The following CRAMP1 variants were observed in gnomAD, a reference collection of about 807,000 sequenced individuals.
The protein encoded by CRAMP1 is cramped chromatin regulator 1, also known as protein cramped-like.
Under a neutral mutation model 115.4 loss-of-function variants are expected in CRAMP1, and 50 were observed. The observed-to-expected ratio is 0.43, with a 90% confidence interval of 0.35 to 0.55. The LOEUF is 0.55. Among genes scored for constraint, CRAMP1 ranks in the 20% least tolerant of loss-of-function variants. The pLI is 0.01. For synonymous variants in CRAMP1, 866 were observed against 745.4 expected, an observed-to-expected ratio of 1.16 and a Z score of -2.64; for missense variants, 1,679 against 1,721.7, an observed-to-expected ratio of 0.98 and a Z score of 0.44.
intron 5 of CRAMP1, among the ~76,000 whole-genome samples, chr16:1,639,035 CCT>C (rs1486577357): frequency 6.6e-6 from 1 of 151,948 alleles, no homozygotes; most frequent in African/African-American, 2.4e-5. Context: ...TCTCATCTGC[CCT>C]CTCTCAGCCT....
At chr16:1,649,808 T>G (rs2142193180) in intron 6 of CRAMP1, among the ~76,000 whole-genome samples, 1 of 148,434 alleles carries the variant, frequency 6.7e-6, no homozygotes, top group East Asian at 2.0e-4. Context: ...TTTTTTTTTT[T>G]TTGAGATGGA....
In CRAMP1 at chr16:1,669,833, G is replaced by A. The variant is rs2036907597; in HGVS notation, c.3499+668G>A. ...TGTGGCTGGGCACATCAGGCATGGCGGGTACCATGCCTGACAGCTCTGAAC... is the reference window on the plus strand; with the variant it reads ...TGTGGCTGGGCACATCAGGCATGGCAGGTACCATGCCTGACAGCTCTGAAC... On this transcript the variant is annotated intron_variant, in intron 19 of 20. Transcript: ENST00000397412. The surrounding 1 kb of genome is among the most constrained non-coding windows in gnomAD (Gnocchi z 4.6). Among the ~76,000 whole-genome samples, 1 of 152,200 alleles carries A rather than the reference G, an allele frequency of 6.6e-6. No homozygotes were observed. The highest frequency in any genetic ancestry group is 1.5e-5 in the Non-Finnish European group (1 of 68,030).
chr16:1,660,258 C>T (rs550347403), intron 11 of CRAMP1, among the ~76,000 whole-genome samples, 195 bp downstream of exon 11: 96 of 152,180 alleles, frequency 6.3e-4, no homozygotes, highest in African/African-American at 2.1e-3. Context: ...CAGGGCTTGT[C>T]GTGAAGGACT....
At chr16:1,634,689 T>C (rs1162295717) in intron 4 of CRAMP1, among the ~76,000 whole-genome samples, 1 of 152,208 alleles carries the variant, frequency 6.6e-6, no homozygotes, top group African/African-American at 2.4e-5. Context: ...GGTTCTCTGA[T>C]GGCCCTGACT....
At chr16:1,667,281 A>C in intron 16 of CRAMP1, 54 bp from the exon 17 acceptor site, 1 of 1,430,480 alleles carries the variant, frequency 7.0e-7, no homozygotes, top group Non-Finnish European at 9.9e-7. Context: ...GGGTGAGGGT[A>C]TGGGTGGCAT....
At chr16:1,623,838 G>T (rs900878339) in intron 2 of CRAMP1, among the ~76,000 whole-genome samples, 1 of 152,238 alleles carries the variant, frequency 6.6e-6, no homozygotes, top group African/African-American at 2.4e-5. Flanking sequence ...TCCAGGTTTG[G>T]TGAGGAATGG....
At position 1,674,622 on chromosome 16, in the gene CRAMP1, AGTCGTGGG is replaced by A; in HGVS notation, c.*579_*586del. ...GATACCGATCACAGGGCTGCTGCGG[AGTCGTGGG>A]GCCCTGGGCTGGTGCCTCCCCTCCC... On this transcript the variant is annotated 3_prime_UTR_variant, in exon 21 of 21. Transcript: ENST00000397412. The A allele has an allele frequency of 6.5e-6, 1 of 154,398 alleles. No homozygotes were observed. The highest frequency in any genetic ancestry group is 1.4e-5 in the Non-Finnish European group (1 of 69,478). The allele number at this position is 154,398 out of a possible 1,614,324, so 9.6% of individuals were successfully genotyped here.
intron 8 of CRAMP1, among the ~76,000 whole-genome samples, chr16:1,653,644 G>A (rs1411780822): frequency 1.4e-5 from 2 of 147,528 alleles, no homozygotes; most frequent in Non-Finnish European, 3.0e-5. Context: ...TCTGGCTAAC[G>A]CCGTGAAACC....
chr16:1,664,553 T>G (rs1596497510), intron 13 of CRAMP1, among the ~76,000 whole-genome samples: 1 of 152,054 alleles, frequency 6.6e-6, no homozygotes, highest in African/African-American at 2.4e-5. Context: ...CCGAGGCAGG[T>G]GGATCACCTG....
intron 4 of CRAMP1, among the ~76,000 whole-genome samples, chr16:1,635,958 T>C (rs937004727): frequency 1.3e-5 from 2 of 152,228 alleles, no homozygotes; most frequent in African/African-American, 4.8e-5. Flanking sequence ...TTTGTCTGTG[T>C]TGTAGCGTGT....
chr16:1,655,082 A>AC (rs1275106659), intron 8 of CRAMP1, 137 bp from the exon 9 acceptor site: 1 of 691,436 alleles, frequency 1.4e-6, no homozygotes, highest in Non-Finnish European at 2.6e-6. Flanking sequence ...GGCCCTGCAG[A>AC]CGCCCGCTCC....
rs1378683522 is a variant in CRAMP1 at position 1,674,759 on chromosome 16, A to G, written c.*714A>G. The G allele has an allele frequency of 6.6e-6, 1 of 152,226 alleles. No individual in the cohort carries two copies. Among genetic ancestry groups the G allele is most frequent in the Non-Finnish European group, 1.5e-5 (1 of 68,084 alleles). The allele number at this position is 152,226 out of a possible 1,614,324, so 9.4% of individuals were successfully genotyped here. A position where few individuals can be genotyped will look rare whatever the true frequency, so the allele number is the denominator to read the frequency against. On this transcript the variant is annotated 3_prime_UTR_variant, in exon 21 of 21. Coordinates refer to ENST00000397412, the MANE Select transcript of CRAMP1 (RefSeq NM_020825.4). ...TGGGACCCTGCTAAGCTGGTTGAAA[A>G]TGTTTTTCTTGTGTTTTAAGAATTA...
intron 4 of CRAMP1, 25 bp downstream of exon 4, chr16:1,632,390 G>T: frequency 1.9e-6 from 3 of 1,565,426 alleles, no homozygotes; most frequent in East Asian, 2.4e-5. Context: ...GGCCAGGCTC[G>T]GGGGTGCCCA....
Position 1,669,976 on chromosome 16 carries a change from G to A in CRAMP1, c.3500-688G>A, listed in dbSNP as rs745374535. Reference sequence around the variant, plus strand: ...AGTCACACGTAAATCTTGAAAAACTGGAAACAGGCCAGGCGTGGTGGCTCA... The same window carrying A: ...AGTCACACGTAAATCTTGAAAAACTAGAAACAGGCCAGGCGTGGTGGCTCA... On this transcript the variant is annotated intron_variant, in intron 19 of 20. Transcript: ENST00000397412. This position sits in a 1 kb window ranked among gnomAD's most constrained non-coding sequence, Gnocchi z 4.6. 2.4e-4 allele frequency among the ~76,000 whole-genome samples: 36 copies of A among 152,278 alleles called. 1 individual carries two copies. Among genetic ancestry groups the A allele is most frequent in the Middle Eastern group, 3.4e-3 (1 of 294 alleles).
rs777747793 is a variant in CRAMP1 at position 1,653,113 on chromosome 16, G to A, written c.994G>A (p.Ala332Thr). The change falls in exon 8 of 21, where the codon GCC becomes ACC. Residue 332 changes from alanine to threonine, a missense_variant. Ala to Thr is a moderately conservative substitution (Grantham distance 58). Around this residue, in one of 8 missense-constraint regions of CRAMP1, gnomAD observed 191 missense variants for 236.2 expected, o/e 0.81. Coordinates refer to ENST00000397412, the MANE Select transcript of CRAMP1 (RefSeq NM_020825.4). ...PIELQPRNNH[A>T]WARVQSLAQN... ...AGAGCTACAGCCGCGGAACAACCAC[G>A]CCTGGGCCCGTGTGCAGAGCCTTGC... The A allele has an allele frequency of 1.9e-6, 3 of 1,611,556 alleles. No individual in the cohort carries two copies. The highest frequency in any genetic ancestry group is 1.7e-5 in the Admixed American group (1 of 59,636).
Position 1,675,799 on chromosome 16 carries a change from T to G in CRAMP1, c.*1754T>G, listed in dbSNP as rs542170204. On this transcript the variant is annotated 3_prime_UTR_variant, in exon 21 of 21. Transcript: ENST00000397412. The stretch of plus-strand genomic sequence containing the variant: ...TTGACATGAGATCTTAAGCAAACAG[T>G]CCCAAACCTCTTAGGGGTGAAAAAA... 3 of 152,250 alleles carry G rather than the reference T, an allele frequency of 2.0e-5. No individual in the cohort carries two copies. In the South Asian group the frequency reaches 6.2e-4, roughly 32 times the overall value. 9.4% of individuals were successfully genotyped at this position (152,250 alleles called of 1,614,324 possible).
At position 1,614,309 on chromosome 16, in the gene CRAMP1, A is replaced by AT; in HGVS notation, c.-1-330_-1-329insT. ...CGCGCCCGCGCCGGGGCTCCCATAG[A>AT]CCCCGGGGCCGGGGCCGGGGCCGGG... On this transcript the variant is annotated intron_variant, in intron 1 of 20. Transcript: ENST00000397412. The surrounding 1 kb of genome is among the most constrained non-coding windows in gnomAD (Gnocchi z 4.4). Among the ~76,000 whole-genome samples the AT allele has an allele frequency of 8.2e-6, 1 of 121,854 alleles. No individual in the cohort carries two copies. Among genetic ancestry groups the AT allele is most frequent in the South Asian group, 2.5e-4 (1 of 3,942 alleles). The allele number at this position is 121,854 out of a possible 152,430, so 79.9% of individuals were successfully genotyped here.
At chr16:1,654,432 G>A (rs1487403266) in intron 8 of CRAMP1, among the ~76,000 whole-genome samples, 4 of 152,086 alleles carry the variant, frequency 2.6e-5, no homozygotes, top group African/African-American at 7.2e-5. Context: ...GGCTGGTCTC[G>A]AACTCCTGAT....
chr16:1,637,757 C>G (rs2036600223), intron 4 of CRAMP1, 67 bp from the exon 5 acceptor site: 1 of 747,852 alleles, frequency 1.3e-6, no homozygotes, highest in Non-Finnish European at 2.1e-6. Context: ...TGGTGTGGCT[C>G]TCACACCCAA....
Sources: allele counts gnomAD v4.1 joint callset (sites outside exome capture counted in the v4.1 genomes callset), GRCh38; gene constraint gnomAD v4.1.1; regional missense constraint gnomAD v4.1.1; non-coding constraint Gnocchi (gnomAD v3.1); transcripts MANE v1.5; gene names NCBI Gene and HGNC (gene_info 2026-07-23, HGNC 2026-07-21).